LRRC69: variants seen among roughly 807,000 people sequenced by gnomAD.
LRRC69 encodes the protein leucine rich repeat containing 69.
LRRC69 carries 42 observed loss-of-function variants against 37.8 expected under a neutral mutation model. The observed-to-expected ratio is 1.11, with a 90% CI of 0.87 to 1.44. The LOEUF is 1.44. Ranked by LOEUF, LRRC69 falls within the 40% of genes most tolerant of loss-of-function variation. The pLI, the probability that LRRC69 is intolerant of heterozygous loss-of-function variation, is 0.00. For synonymous variants in LRRC69, 141 were observed against 143.1 expected (o/e 0.99, Z 0.11); for missense variants, 357 against 401.9 (o/e 0.89, Z 0.96).
Position 91,217,705 on chromosome 8 carries a change from G to A in LRRC69, c.934-1185G>A, listed in dbSNP as rs1810079304. 2.0e-5 allele frequency among the ~76,000 whole-genome samples: 3 copies of A among 152,156 alleles called. No homozygotes were observed. The South Asian group carries it at 6.2e-4, about 31-fold the overall frequency. On this transcript the variant is annotated intron_variant, in intron 7 of 7. Transcript: ENST00000448384. ...TGGTAGTTGCCCAAAGGAAAAACAG[G>A]GCTTTTGTGCCAGCACAATGGGAAA...
chr8:91,169,367 A>G lies in LRRC69; in HGVS notation c.652-20155A>G, dbSNP rs1461487163. Among the ~76,000 whole-genome samples the G allele has an allele frequency of 3.9e-5, 6 of 151,940 alleles. 1 individual carries two copies. The highest frequency in any genetic ancestry group is 4.8e-5 in the African/African-American group (2 of 41,446). On this transcript the variant is annotated intron_variant, in intron 5 of 7. Coordinates refer to ENST00000448384, the Ensembl canonical transcript of LRRC69. Reference sequence around the variant, plus strand: ...AACCTCCATGAAATACAATTTACCTATATAACAAACCTGCACATGTACCCT... The same window carrying G: ...AACCTCCATGAAATACAATTTACCTGTATAACAAACCTGCACATGTACCCT...
intron 5 of LRRC69, among the ~76,000 whole-genome samples, chr8:91,144,598 C>T (rs192994728): frequency 1.8e-4 from 28 of 152,080 alleles, no homozygotes; most frequent in Admixed American, 9.2e-4. Context: ...TCACTTAACT[C>T]GTTGCCTACT....
At chr8:91,212,587 T>A (rs1371496179) in intron 7 of LRRC69, among the ~76,000 whole-genome samples, 2 of 152,178 alleles carry the variant, frequency 1.3e-5, no homozygotes, top group African/African-American at 4.8e-5. Flanking sequence ...CATTTAATAA[T>A]TTTACTCATT....
At chr8:91,139,786 C>A (rs530853725) in intron 5 of LRRC69, among the ~76,000 whole-genome samples, 151 of 151,724 alleles carry the variant, frequency 1.0e-3, no homozygotes, top group Middle Eastern at 6.8e-3. Context: ...TATGATTTTT[C>A]TTTCTAAAAA....
intron 5 of LRRC69, among the ~76,000 whole-genome samples, chr8:91,141,365 C>A (rs1808530352): frequency 6.6e-6 from 1 of 152,224 alleles, no homozygotes; most frequent in East Asian, 1.9e-4. Flanking sequence ...TAACTAGTTA[C>A]ATCTGCAAAG....
At chr8:91,199,550 G>T (rs976235462) in intron 6 of LRRC69, among the ~76,000 whole-genome samples, 2 of 151,980 alleles carry the variant, frequency 1.3e-5, no homozygotes, top group Admixed American at 1.3e-4. Context: ...TGCATGGGGA[G>T]AATGCATGAA....
At chr8:91,160,990 G>A (rs1808932419) in intron 5 of LRRC69, among the ~76,000 whole-genome samples, 1 of 151,164 alleles carries the variant, frequency 6.6e-6, no homozygotes, top group African/African-American at 2.4e-5. Flanking sequence ...TTTGTTGAGA[G>A]TTTTTATCAT....
At position 91,180,423 on chromosome 8, in the gene LRRC69, G is replaced by T. The variant is rs566258491; in HGVS notation, c.652-9099G>T. Among the ~76,000 whole-genome samples the T allele has an allele frequency of 4.6e-5, 7 of 152,144 alleles. No individual in the cohort carries two copies. In the South Asian group the frequency reaches 1.5e-3, roughly 32 times the overall value. On this transcript the variant is annotated intron_variant, in intron 5 of 7. Transcript: ENST00000448384. ...TCCCCCAGAGTAAGTGACTCACAAA[G>T]AAGAGAGAATAAGCAGGAATTGCAA...
At chr8:91,117,559 CTTTTTTTT>C (rs35003763) in intron 1 of LRRC69, among the ~76,000 whole-genome samples, 1 of 115,144 alleles carries the variant, frequency 8.7e-6, no homozygotes, top group African/African-American at 3.3e-5. Flanking sequence ...ACAAGATCCA[CTTTTTTTT>C]TTTTTTTTTT....
At chr8:91,129,366 A>G (rs1270118164) in intron 3 of LRRC69, among the ~76,000 whole-genome samples, 2 of 151,998 alleles carry the variant, frequency 1.3e-5, no homozygotes, top group Admixed American at 6.6e-5. Context: ...TCTTTGGAAA[A>G]GTAGGACATC....
chr8:91,206,673 A>G (rs780750637), intron 7 of LRRC69: 1 of 1,289,106 alleles, frequency 7.8e-7, no homozygotes, highest in Non-Finnish European at 1.0e-6. Flanking sequence ...TGCTACTCTT[A>G]TTTCATGTCT....
At chr8:91,128,292 C>T (rs117117557) in intron 3 of LRRC69, among the ~76,000 whole-genome samples, 1 of 152,058 alleles carries the variant, frequency 6.6e-6, no homozygotes, top group East Asian at 1.9e-4. Context: ...GTTTTTGCAG[C>T]TATAACACGT....
At chr8:91,209,291 T>C (rs1297024977) in intron 7 of LRRC69, among the ~76,000 whole-genome samples, 1 of 151,964 alleles carries the variant, frequency 6.6e-6, no homozygotes, top group African/African-American at 2.4e-5. Context: ...TAGCCAGACA[T>C]GGTGGTGGGC....
At chr8:91,144,087 T>G (rs1293833303) in intron 5 of LRRC69, among the ~76,000 whole-genome samples, 1 of 152,026 alleles carries the variant, frequency 6.6e-6, no homozygotes, top group African/African-American at 2.4e-5. Context: ...TATGAATTCT[T>G]ATTAGTGTTT....
intron 5 of LRRC69, among the ~76,000 whole-genome samples, chr8:91,165,959 T>C (rs998841582): frequency 3.3e-5 from 5 of 151,748 alleles, no homozygotes; most frequent in Non-Finnish European, 7.4e-5. Context: ...TAGTAACCTC[T>C]TTTTTAGGTC....
intron 4 of LRRC69, 153 bp downstream of exon 4, chr8:91,133,458 A>G (rs546425870): frequency 3.9e-5 from 20 of 515,822 alleles, no homozygotes; most frequent in African/African-American, 3.4e-4. Context: ...CCTATGACAG[A>G]AGAAGGCTAT....
chr8:91,150,146 C>T (rs1404173531), intron 5 of LRRC69, among the ~76,000 whole-genome samples: 1 of 151,970 alleles, frequency 6.6e-6, no homozygotes, highest in African/African-American at 2.4e-5. Flanking sequence ...TGAGAGAGGG[C>T]ATCCCTGTCT....
At chr8:91,203,218 T>G (rs1484555519) in intron 7 of LRRC69, among the ~76,000 whole-genome samples, 2 of 152,034 alleles carry the variant, frequency 1.3e-5, no homozygotes, top group South Asian at 2.1e-4. Context: ...AGTGTGTGTG[T>G]GGGTGGGTGG....
intron 5 of LRRC69, among the ~76,000 whole-genome samples, chr8:91,167,924 G>C (rs961931618): frequency 1.3e-5 from 2 of 151,884 alleles, no homozygotes; most frequent in Non-Finnish European, 2.9e-5. Flanking sequence ...TTTCTGTAGA[G>C]ATCCTTAAAT....
Sources: allele counts gnomAD v4.1 joint callset (sites outside exome capture counted in the v4.1 genomes callset), GRCh38; gene constraint gnomAD v4.1.1; transcripts MANE v1.5; gene names NCBI Gene and HGNC (gene_info 2026-07-23, HGNC 2026-07-21).